The following EDNRB variants were observed in gnomAD, a reference collection of about 807,000 sequenced individuals.
The protein encoded by EDNRB is Hirschsprung disease 2.
A neutral mutation model predicts 46.4 loss-of-function variants in EDNRB; 18 were observed. The observed-to-expected ratio is 0.39, with a 90% confidence interval of 0.27 to 0.57. The LOEUF (loss-of-function observed/expected upper bound fraction) is 0.57, where lower values mean the gene tolerates loss of function less well. EDNRB is among the 20% of genes least tolerant of loss of function. The pLI is 0.61. For synonymous variants in EDNRB, 213 were observed against 204.9 expected (o/e 1.04, Z -0.34); for missense variants, 434 against 537.5 (o/e 0.81, Z 1.90).
chr13:77,950,977 G>A (rs1881074095), intron 1 of EDNRB, among the ~76,000 whole-genome samples: 1 of 152,124 alleles, frequency 6.6e-6, no homozygotes, highest in African/African-American at 2.4e-5. Context: ...CCACTAAAAA[G>A]GATAAGAGAG....
chr13:77,944,470 T>G (rs1880844942), intron 1 of EDNRB, among the ~76,000 whole-genome samples: 1 of 152,108 alleles, frequency 6.6e-6, no homozygotes, highest in African/African-American at 2.4e-5. Flanking sequence ...TTACAAGTTT[T>G]TTTTTTAACC....
At chr13:77,905,208 G>A (rs944124209) in intron 1 of EDNRB, among the ~76,000 whole-genome samples, 3 of 151,680 alleles carry the variant, frequency 2.0e-5, no homozygotes, top group Non-Finnish European at 4.4e-5. Context: ...TGGGGTCTGG[G>A]GTAAACTTTG....
intron 4 of EDNRB, 112 bp from the exon 5 acceptor site, chr13:77,900,766 A>G (rs1219273623): frequency 6.8e-7 from 1 of 1,472,992 alleles, no homozygotes; most frequent in Non-Finnish European, 9.3e-7. Context: ...GCATATGTAA[A>G]AACTCAGGAC....
chr13:77,905,226 G>A (rs1375069675), intron 1 of EDNRB, among the ~76,000 whole-genome samples: 1 of 151,856 alleles, frequency 6.6e-6, no homozygotes, highest in Non-Finnish European at 1.5e-5. Context: ...TTGTCTGAAA[G>A]GAGCAGCTGC....
At chr13:77,903,913 A>T (rs1196935498) in intron 1 of EDNRB, among the ~76,000 whole-genome samples, 1 of 151,932 alleles carries the variant, frequency 6.6e-6, no homozygotes, top group Admixed American at 6.6e-5. Context: ...TGAAAATTGA[A>T]CCTGTATACT....
At chr13:77,943,658 G>A (rs1002426891) in intron 1 of EDNRB, among the ~76,000 whole-genome samples, 1 of 151,898 alleles carries the variant, frequency 6.6e-6, no homozygotes, top group Non-Finnish European at 1.5e-5. Flanking sequence ...TAGCATTCTT[G>A]ACTTATGAAA....
chr13:77,898,126 G>T lies in EDNRB; in HGVS notation c.*74C>A. ...AATACATAGTTTTTTGTTTTGTTTT[G>T]GCAAATGTTTCATTTTGTTTTAATG... On this transcript the variant is annotated 3_prime_UTR_variant, in exon 7 of 7. Coordinates refer to ENST00000646607, the MANE Select transcript of EDNRB (RefSeq NM_001122659.3). The T allele has an allele frequency of 1.9e-6, 3 of 1,571,418 alleles. No homozygotes were observed. Among genetic ancestry groups the T allele is most frequent in the South Asian group, 2.3e-5 (2 of 87,058 alleles).
chr13:77,941,951 G>C (rs903549025), intron 1 of EDNRB, among the ~76,000 whole-genome samples: 14 of 152,314 alleles, frequency 9.2e-5, no homozygotes, highest in Admixed American at 3.3e-4. Context: ...TCAGTATTAT[G>C]AAGCAGTCTG....
intron 1 of EDNRB, among the ~76,000 whole-genome samples, chr13:77,917,876 T>C (rs751865686): frequency 6.6e-6 from 1 of 152,224 alleles, no homozygotes; most frequent in Non-Finnish European, 1.5e-5. Flanking sequence ...AGAGGTCTAC[T>C]GAAGACCTGA....
At chr13:77,936,574 G>A (rs943999053) in intron 1 of EDNRB, among the ~76,000 whole-genome samples, 2 of 152,340 alleles carry the variant, frequency 1.3e-5, no homozygotes, top group South Asian at 4.1e-4. Flanking sequence ...AGGCAATCAG[G>A]CAGTGTCAGT....
Position 77,899,973 on chromosome 13 carries a change from A to ACAAAATAACC in EDNRB, c.1086-16_1086-7dup. 3.1e-6 allele frequency: 5 copies of ACAAAATAACC among 1,608,944 alleles called. No homozygotes were observed. The highest frequency in any genetic ancestry group is 4.3e-6 in the Non-Finnish European group (5 of 1,176,308). ...AGTCCAATACCAACAGAAAGCTGCAACAAAATAACCCAAAATGTGTCTGAA... is the reference window on the plus strand; with the variant it reads ...AGTCCAATACCAACAGAAAGCTGCAACAAAATAACCCAAAATAACCCAAAATGTGTCTGAA... On this transcript the variant is annotated splice_polypyrimidine_tract_variant and splice_region_variant and intron_variant, in intron 5 of 6. Coordinates refer to ENST00000646607, the MANE Select transcript of EDNRB (RefSeq NM_001122659.3).
Position 77,897,840 on chromosome 13 carries a change from T to A in EDNRB, c.*360A>T. On this transcript the variant is annotated 3_prime_UTR_variant, in exon 7 of 7. Coordinates refer to ENST00000646607, the MANE Select transcript of EDNRB (RefSeq NM_001122659.3). ...ATTCTTCCTTTATATCAGAGTCCCA[T>A]TGATTTAAAAATAAATCTCTTTTTA... is the stretch of plus-strand genomic sequence containing the variant. 1.9e-6 allele frequency: 2 copies of A among 1,027,630 alleles called. No homozygotes were observed. The highest frequency in any genetic ancestry group is 2.3e-6 in the Non-Finnish European group (2 of 855,280). 63.7% of individuals were successfully genotyped at this position (1,027,630 alleles called of 1,614,324 possible).
chr13:77,907,142 G>A (rs999584803), intron 1 of EDNRB, among the ~76,000 whole-genome samples: 14 of 151,946 alleles, frequency 9.2e-5, no homozygotes, highest in African/African-American at 3.4e-4. Context: ...CCAGCCACTG[G>A]TTGCTCAATT....
Position 77,903,581 on chromosome 13 carries a change from T to C in EDNRB, c.510A>G (p.Gly170=). ...AAGGCACCAGCTTACACATCTCAGCTCCAAATGGCCAGTCCTCTGCCAGCA... is the reference window on the plus strand; with the variant it reads ...AAGGCACCAGCTTACACATCTCAGCCCCAAATGGCCAGTCCTCTGCCAGCA... ...YKLLAEDWPF[G]AEMCKLVPFI... The change falls in exon 2 of 7, where the codon GGA becomes GGG. Residue 170 remains glycine, a synonymous_variant. Transcript: ENST00000646607. 1 of 1,612,720 alleles carries C rather than the reference T, an allele frequency of 6.2e-7. No homozygotes were observed. Among genetic ancestry groups the C allele is most frequent in the Non-Finnish European group, 8.5e-7 (1 of 1,179,202 alleles).
At chr13:77,919,404 A>T (rs199605245), upstream of EDNRB, 9 of 1,611,058 alleles carry the variant, frequency 5.6e-6, no homozygotes, top group Non-Finnish European at 7.6e-6. Context: ...TACCTCTCGG[A>T]TCTGACAAAC....
intron 1 of EDNRB, among the ~76,000 whole-genome samples, chr13:77,963,845 G>A (rs1314947240): frequency 9.2e-5 from 14 of 152,204 alleles, no homozygotes; most frequent in African/African-American, 3.1e-4. Flanking sequence ...CCTACAGAAT[G>A]GGAGAAAATT....
intron 4 of EDNRB, 84 bp from the exon 5 acceptor site, chr13:77,900,738 G>A (rs1006232128): frequency 1.3e-6 from 2 of 1,579,792 alleles, no homozygotes; most frequent in African/African-American, 1.3e-5. Flanking sequence ...ATTTAATATT[G>A]TCTACAAAAA....
At chr13:77,912,342 C>A (rs1040751842) in intron 1 of EDNRB, among the ~76,000 whole-genome samples, 1 of 152,016 alleles carries the variant, frequency 6.6e-6, no homozygotes, top group African/African-American at 2.4e-5. Context: ...TTGCATTGCC[C>A]AAGGCCAAGT....
At chr13:77,920,617 T>C (rs892685288), upstream of EDNRB, among the ~76,000 whole-genome samples, 1 of 152,166 alleles carries the variant, frequency 6.6e-6, no homozygotes, top group Non-Finnish European at 1.5e-5. Flanking sequence ...TTTAAAAAGG[T>C]GAACTTTAAG....
Sources: gnomAD v4.1 joint callset for allele counts (sites outside exome capture counted in the v4.1 genomes callset) on GRCh38, gnomAD v4.1.1 for gene constraint, MANE v1.5 for transcripts, NCBI Gene and HGNC (gene_info 2026-07-23, HGNC 2026-07-21) for gene names.